SNTG2: variants seen among roughly 807,000 people sequenced by gnomAD.
SNTG2 encodes the protein gamma-2-syntrophin.
Under a neutral mutation model 70.9 loss-of-function variants are expected in SNTG2, and 74 were observed. The ratio of observed to expected loss-of-function variants is 1.04; its 90% confidence interval spans 0.86 to 1.27. The LOEUF is 1.27. Among genes scored for constraint, SNTG2 ranks in the 50% most tolerant of loss-of-function variants. The pLI, the probability that SNTG2 is intolerant of heterozygous loss-of-function variation, is 0.00. For missense variants in SNTG2, 717 were observed against 690.7 expected (o/e 1.04, Z -0.43); for synonymous variants, 278 against 273.8 (o/e 1.02, Z -0.15).
chr2:1,068,331 T>C (rs1663292328), intron 1 of SNTG2: 1 of 152,138 alleles, frequency 6.6e-6, no homozygotes, highest in South Asian at 2.1e-4. Flanking sequence ...CTCGGATCCG[T>C]TGAGTTTTCT....
At chr2:981,204 A>G (rs1662636964) in intron 1 of SNTG2, among the ~76,000 whole-genome samples, 1 of 152,212 alleles carries the variant, frequency 6.6e-6, no homozygotes, top group African/African-American at 2.4e-5. Flanking sequence ...CAAGGGACAA[A>G]ATATGTGAAC....
At chr2:1,116,807 C>T (rs185958303) in intron 4 of SNTG2, among the ~76,000 whole-genome samples, 25 of 61,142 alleles carry the variant, frequency 4.1e-4, no homozygotes, top group East Asian at 3.1e-3. Context: ...CCCTGGTTTA[C>T]GGGTTTCCTG....
chr2:1,227,858 G>A (rs1270866728), intron 9 of SNTG2, among the ~76,000 whole-genome samples: 1 of 152,200 alleles, frequency 6.6e-6, no homozygotes, highest in African/African-American at 2.4e-5. Flanking sequence ...TGTAAGCGAG[G>A]GCACTTTGCT....
At chr2:1,253,060 T>C (rs1229803130) in intron 12 of SNTG2, among the ~76,000 whole-genome samples, 1 of 152,192 alleles carries the variant, frequency 6.6e-6, no homozygotes, top group Non-Finnish European at 1.5e-5. Flanking sequence ...GACATAAACA[T>C]GAGGTTTTTG....
intron 16 of SNTG2, among the ~76,000 whole-genome samples, chr2:1,321,173 G>A (rs1681503456): frequency 6.6e-6 from 1 of 152,168 alleles, no homozygotes; most frequent in Admixed American, 6.5e-5. Flanking sequence ...GTTCTAAAGA[G>A]AAAATTGTTC....
At chr2:1,340,834 A>G (rs1268993500) in intron 16 of SNTG2, among the ~76,000 whole-genome samples, 3 of 152,204 alleles carry the variant, frequency 2.0e-5, no homozygotes, top group African/African-American at 7.2e-5. Flanking sequence ...GCACAGGGCA[A>G]TTACAGTTTA....
intron 1 of SNTG2, among the ~76,000 whole-genome samples, chr2:1,049,798 G>A (rs10221836): frequency 0.096 from 14,657 of 152,162 alleles, 802 homozygotes; most frequent in Middle Eastern, 0.15. Flanking sequence ...CATCTTCACC[G>A]GCATTTGGTA....
intron 4 of SNTG2, among the ~76,000 whole-genome samples, chr2:1,131,174 C>T (rs1667989459): frequency 6.6e-6 from 1 of 152,160 alleles, no homozygotes; most frequent in African/African-American, 2.4e-5. Context: ...TAAGATCATA[C>T]ATGCACTGTC....
intron 14 of SNTG2, among the ~76,000 whole-genome samples, chr2:1,306,240 C>G (rs556923139): frequency 6.6e-6 from 1 of 152,098 alleles, no homozygotes; most frequent in South Asian, 2.1e-4. Context: ...TATTTGTGAC[C>G]GCCGGCTGTG....
intron 1 of SNTG2, among the ~76,000 whole-genome samples, chr2:1,000,219 A>G (rs1194679432): frequency 1.3e-5 from 2 of 151,938 alleles, no homozygotes; most frequent in Non-Finnish European, 2.9e-5. Context: ...TTGCACATCA[A>G]GGAACCAGGA....
In SNTG2 at chr2:1,116,439, GGGGTGCTCTGGTGTGT is replaced by G. The variant is rs558815598; in HGVS notation, c.325+18053_325+18068del. 1.5e-4 allele frequency among the ~76,000 whole-genome samples: 23 copies of G among 152,082 alleles called. No homozygotes were observed. The South Asian group carries it at 2.3e-3, about 15-fold the overall frequency. ...CCAGAATTAGGGGTGCTCTTGCATG[GGGGTGCTCTGGTGTGT>G]GGGTGCTCTGGTGTGTGGGTGCTTC... On this transcript the variant is annotated intron_variant, in intron 4 of 16. Transcript: ENST00000308624.
intron 1 of SNTG2, chr2:1,059,424 G>C (rs1186766304): frequency 1.3e-5 from 2 of 152,046 alleles, no homozygotes; most frequent in Non-Finnish European, 2.9e-5. Flanking sequence ...AGATGATGAA[G>C]CTTCTACAAT....
chr2:1,341,941 G>A (rs550188431), intron 16 of SNTG2, among the ~76,000 whole-genome samples: 1 of 151,924 alleles, frequency 6.6e-6, no homozygotes, highest in Non-Finnish European at 1.5e-5. Context: ...AGACTCCTGG[G>A]CTCAAGCCAT....
At chr2:1,175,185 G>A (rs1671389066) in intron 8 of SNTG2, among the ~76,000 whole-genome samples, 1 of 152,148 alleles carries the variant, frequency 6.6e-6, no homozygotes, top group African/African-American at 2.4e-5. Flanking sequence ...ATTTTTATGG[G>A]TAACCAGTTG....
At chr2:976,033 A>G (rs1660896580) in intron 1 of SNTG2, among the ~76,000 whole-genome samples, 1 of 152,214 alleles carries the variant, frequency 6.6e-6, no homozygotes, top group African/African-American at 2.4e-5. Flanking sequence ...TGCCAGTGAT[A>G]GGAACAGGGT....
At chr2:970,777 T>C (rs551484643) in intron 1 of SNTG2, among the ~76,000 whole-genome samples, 1 of 151,878 alleles carries the variant, frequency 6.6e-6, no homozygotes, top group Non-Finnish European at 1.5e-5. Context: ...CCTTTGGGTA[T>C]ATACCCAGTA....
At chr2:1,030,120 A>G (rs1001889887) in intron 1 of SNTG2, among the ~76,000 whole-genome samples, 21 of 152,140 alleles carry the variant, frequency 1.4e-4, no homozygotes, top group Admixed American at 1.2e-3. Context: ...CTTCTTTTGT[A>G]CATCGATCAT....
At chr2:1,044,786 G>GT (rs760419180) in intron 1 of SNTG2, among the ~76,000 whole-genome samples, 75 of 152,186 alleles carry the variant, frequency 4.9e-4, no homozygotes, top group Admixed American at 2.0e-3. Flanking sequence ...GCTGGATTTA[G>GT]TTTGCTAGTA....
chr2:1,037,818 A>G (rs1335072672), intron 1 of SNTG2, among the ~76,000 whole-genome samples: 1 of 152,158 alleles, frequency 6.6e-6, no homozygotes, highest in Non-Finnish European at 1.5e-5. Flanking sequence ...TTTTATGGCT[A>G]CAACATGTTA....
Sources: gnomAD v4.1 joint callset for allele counts (sites outside exome capture counted in the v4.1 genomes callset) on GRCh38, gnomAD v4.1.1 for gene constraint, MANE v1.5 for transcripts, NCBI Gene and HGNC (gene_info 2026-07-23, HGNC 2026-07-21) for gene names.